DMXL1: variants seen among roughly 807,000 people sequenced by gnomAD.
DMXL1 encodes dmX-like protein 1.
A neutral mutation model predicts 319.2 loss-of-function variants in DMXL1; 99 were observed. The ratio of observed to expected loss-of-function variants is 0.31; its 90% CI spans 0.26 to 0.37. The LOEUF is 0.37. DMXL1 is among the 10% of genes least tolerant of loss of function. DMXL1 has a pLI of 1.00. For synonymous variants in DMXL1, 1,385 were observed against 1,235.2 expected (o/e 1.12, Z -2.54); for missense variants, 3,745 against 3,595.6 (o/e 1.04, Z -1.06).
rs1384136650 is a variant in DMXL1, at chr5:119,247,001, A to T, written c.8929A>T (p.Ser2977Cys). 6.3e-7 allele frequency: 1 copy of T among 1,598,086 alleles called. No individual in the cohort carries two copies. ...GSAEGNIKIW[S>C]LSTFGLLHTF... Reference sequence around the variant, plus strand: ...TGTTCTTAATATCTTTCAGATTTGGAGTCTCTCTACCTTTGGTCTTCTCCA... The same window carrying T: ...TGTTCTTAATATCTTTCAGATTTGGTGTCTCTCTACCTTTGGTCTTCTCCA... Residue 2977 changes from serine to cysteine, a missense_variant, in exon 44 of 44, where the codon AGT (serine) becomes TGT (cysteine). Ser to Cys is a moderately radical substitution (Grantham distance 112, BLOSUM62 -1). Around this residue, in one of 4 missense-constraint regions of DMXL1, gnomAD observed 262 missense variants for 320.5 expected, o/e 0.82. Coordinates refer to ENST00000539542, the MANE Select transcript of DMXL1 (RefSeq NM_001290321.3).
intron 35 of DMXL1, among the ~76,000 whole-genome samples, chr5:119,219,028 T>C (rs186822715): frequency 3.6e-4 from 55 of 152,300 alleles, no homozygotes; most frequent in African/African-American, 1.3e-3. Context: ...TTAAACATTT[T>C]AGTGGATGCT....
Position 119,196,705 on chromosome 5 carries a change from A to G in DMXL1, c.7543+249A>G, listed in dbSNP as rs915486430. ...ATGTGATTGACTGTCTTGAGACTCT[A>G]TTTATACTCTAGCCAAGTGTTGAGG... On this transcript the variant is annotated intron_variant, in intron 31 of 43. Coordinates refer to ENST00000539542, the MANE Select transcript of DMXL1 (RefSeq NM_001290321.3). Among the ~76,000 whole-genome samples, 6 of 152,070 alleles carry G rather than the reference A, an allele frequency of 3.9e-5. No homozygotes were observed. In the South Asian group the frequency reaches 1.0e-3, roughly 26 times the overall value.
intron 1 of DMXL1, among the ~76,000 whole-genome samples, chr5:119,076,287 C>G (rs751350203): frequency 6.6e-6 from 1 of 152,084 alleles, no homozygotes; most frequent in Non-Finnish European, 1.5e-5. Flanking sequence ...AATAAGTAGT[C>G]GTCTTCAGCT....
intron 9 of DMXL1, chr5:119,127,848 G>T: frequency 3.2e-6 from 1 of 310,758 alleles, no homozygotes; most frequent in East Asian, 9.9e-5. Flanking sequence ...TTAAACTATT[G>T]GCATTTCTCT....
At chr5:119,122,424 C>A (rs1157446180) in intron 9 of DMXL1, among the ~76,000 whole-genome samples, 12 of 150,412 alleles carry the variant, frequency 8.0e-5, no homozygotes, top group Non-Finnish European at 1.6e-4. Context: ...GATGGGGCAG[C>A]TGGCCGGGCG....
At chr5:119,182,105 A>G (rs575837272) in intron 28 of DMXL1, among the ~76,000 whole-genome samples, 1 of 152,274 alleles carries the variant, frequency 6.6e-6, no homozygotes, top group African/African-American at 2.4e-5. Context: ...GTGTGTTTGG[A>G]TTACTGCTAA....
intron 38 of DMXL1, among the ~76,000 whole-genome samples, chr5:119,225,213 ATTTTATTACTTTTTTTCAG>A (rs1384865800): frequency 6.6e-6 from 1 of 152,008 alleles, no homozygotes; most frequent in African/African-American, 2.4e-5. Context: ...CTCAGTTTGT[ATTTTATTACTTTTTTTCAG>A]TTGGTCTTTT....
intron 37 of DMXL1, among the ~76,000 whole-genome samples, chr5:119,221,869 G>A (rs560040385): frequency 1.1e-4 from 16 of 150,184 alleles, no homozygotes; most frequent in African/African-American, 3.7e-4. Context: ...TAATTTTTCT[G>A]TAGTGTTGGA....
At chr5:119,097,423 G>C (rs1036035010) in intron 1 of DMXL1, among the ~76,000 whole-genome samples, 2 of 152,056 alleles carry the variant, frequency 1.3e-5, no homozygotes, top group Non-Finnish European at 1.5e-5. Context: ...ATTCACTGGA[G>C]ATGAAAAAAG....
At chr5:119,139,588 T>C (rs766823255) in intron 13 of DMXL1, among the ~76,000 whole-genome samples, 12 of 152,188 alleles carry the variant, frequency 7.9e-5, no homozygotes, top group African/African-American at 1.7e-4. Context: ...ATGGTAAATA[T>C]ATATGCAACC....
At chr5:119,127,141 G>A (rs539081731) in intron 9 of DMXL1, 1 of 159,856 alleles carries the variant, frequency 6.3e-6, no homozygotes, top group South Asian at 2.0e-4. Flanking sequence ...TGCTTCTGTG[G>A]TTTTCGTAAT....
chr5:119,242,441 A>G (rs759185394), intron 42 of DMXL1, among the ~76,000 whole-genome samples: 7 of 152,224 alleles, frequency 4.6e-5, no homozygotes, highest in Non-Finnish European at 7.4e-5. Context: ...GTATGCACAA[A>G]ACTATAAAAA....
In DMXL1 at chr5:119,134,069, A is replaced by C. The variant is rs139068300; in HGVS notation, c.2145A>C (p.Pro715=). The part of the protein sequence containing the change: ...LILWRVDPVG[P]LSFSGGVSEL... ...TGTGGAGGGTTGACCCAGTTGGGCC[A>C]TTGTCTTTTTCTGGAGGAGTTTCTG... Residue 715 remains proline, a synonymous_variant, in exon 12 of 44, where the codon CCA becomes CCC. Transcript: ENST00000539542. 6 of 1,614,002 alleles carry C rather than the reference A, an allele frequency of 3.7e-6. No homozygotes were observed. The highest frequency in any genetic ancestry group is 3.3e-5 in the Admixed American group (2 of 59,992).
rs765547150 is a variant in DMXL1 at position 119,149,165 on chromosome 5, A to C, written c.3338A>C (p.Asp1113Ala). 1 of 1,613,860 alleles carries C rather than the reference A, an allele frequency of 6.2e-7. No homozygotes were observed. The highest frequency in any genetic ancestry group is 8.5e-7 in the Non-Finnish European group (1 of 1,179,838). ...STVLDSGISV[D>A]SNLVAYNKQD... ...GTATTGGATTCTGGCATTAGTGTTG[A>C]TAGCAATTTAGTGGCCTATAATAAA... Residue 1113 changes from aspartate (D) to alanine (A), a missense_variant, in exon 18 of 44, where the codon GAT (aspartate) becomes GCT (alanine). Coordinates refer to ENST00000539542, the MANE Select transcript of DMXL1 (RefSeq NM_001290321.3).
Position 119,146,924 on chromosome 5 carries a change from A to G in DMXL1, c.2657A>G (p.Asn886Ser). ...AACCGTTCACTGTTACACATGTGGA[A>G]TTTACATCTAAAGTCAATTCCTGTC... Reference protein sequence around the residue: ...QDNRSLLHMWNLHLKSIPVSL... With the variant: ...QDNRSLLHMWSLHLKSIPVSL... Residue 886 changes from asparagine to serine, a missense_variant, in exon 16 of 44, where the codon AAT becomes AGT. By Grantham distance (46) the Asn-to-Ser change is conservative. Transcript: ENST00000539542. The G allele has an allele frequency of 6.2e-7, 1 of 1,612,456 alleles. No homozygotes were observed. Among genetic ancestry groups the G allele is most frequent in the Non-Finnish European group, 8.5e-7 (1 of 1,179,140 alleles).
In DMXL1 at chr5:119,189,721, TGAA is replaced by T. The variant is rs943412091; in HGVS notation, c.7154_7156del (p.Glu2385del). Reference sequence around the variant, plus strand: ...TCTTTTTGTTAGTTTCTTCACTAGTTGAAGAAGGAGAAAAACAGAACAAACGTT... The same window carrying T: ...TCTTTTTGTTAGTTTCTTCACTAGTTGAAGGAGAAAAACAGAACAAACGTT... On this transcript the variant is annotated inframe_deletion, in exon 29 of 44. Coordinates refer to ENST00000539542, the MANE Select transcript of DMXL1 (RefSeq NM_001290321.3). The T allele has an allele frequency of 7.4e-6, 12 of 1,613,952 alleles. No individual in the cohort carries two copies. The highest frequency in any genetic ancestry group is 2.2e-5 in the South Asian group (2 of 91,078).
chr5:119,189,569 C>A, intron 28 of DMXL1, 139 bp from the exon 29 acceptor site: 2 of 732,312 alleles, frequency 2.7e-6, no homozygotes, highest in Non-Finnish European at 2.2e-6. Context: ...ATTTTCTTAC[C>A]TGCTGTGTAC....
Position 119,150,175 on chromosome 5 carries a change from C to A in DMXL1, c.4348C>A (p.Gln1450Lys). The A allele has an allele frequency of 6.2e-7, 1 of 1,613,690 alleles. No individual in the cohort carries two copies. Among genetic ancestry groups the A allele is most frequent in the South Asian group, 1.1e-5 (1 of 91,016 alleles). The change falls in exon 18 of 44, where the codon CAA (glutamine) becomes AAA (lysine). Residue 1450 changes from glutamine (Q) to lysine (K), a missense_variant. Transcript: ENST00000539542. Reference protein sequence around the residue: ...KESYDELFQTQLLMTDTHMLE... With the variant: ...KESYDELFQTKLLMTDTHMLE... ...AAGTTATGATGAGCTTTTTCAGACT[C>A]AACTTCTAATGACTGATACTCATAT...
chr5:119,208,380 A>G (rs1782130448), intron 34 of DMXL1, among the ~76,000 whole-genome samples: 1 of 151,790 alleles, frequency 6.6e-6, no homozygotes, highest in Non-Finnish European at 1.5e-5. Context: ...CATCCAGCCA[A>G]TTTTTGTATT....
Sources: gnomAD v4.1 joint callset for allele counts (sites outside exome capture counted in the v4.1 genomes callset) on GRCh38, gnomAD v4.1.1 for gene constraint, gnomAD v4.1.1 regional missense constraint, MANE v1.5 for transcripts, NCBI Gene and HGNC (gene_info 2026-07-23, HGNC 2026-07-21) for gene names.